Variants in PASD1 observed in about 807,000 individuals in gnomAD.
PASD1 encodes PAS domain containing repressor 1.
A neutral mutation model predicts 58.8 loss-of-function variants in PASD1; 13 were observed. The ratio of observed to expected loss-of-function variants is 0.22; its 90% CI spans 0.14 to 0.35. The LOEUF (loss-of-function observed/expected upper bound fraction) is 0.35. Ranked by LOEUF, PASD1 falls within the 10% of genes least tolerant of loss-of-function variation. The probability of loss-of-function intolerance (pLI) is 1.00; values close to 1 mark genes in which losing one functional copy is unlikely to be tolerated. For missense variants in PASD1, 734 were observed against 568.3 expected (o/e 1.29, Z -2.96); for synonymous variants, 236 against 216.7 (o/e 1.09, Z -0.78).
intron 13 of PASD1, 52 bp downstream of exon 13, chrX:151,671,831 G>C: frequency 8.9e-7 from 1 of 1,123,777 alleles, no homozygotes; most frequent in Non-Finnish European, 1.2e-6. Flanking sequence ...TTGTTTTCTT[G>C]AGGACTTTGA....
At chrX:151,653,426 A>G (rs1164914491) in intron 9 of PASD1, among the ~76,000 whole-genome samples, 1 of 109,873 alleles carries the variant, frequency 9.1e-6, no homozygotes, top group Non-Finnish European at 1.9e-5. Flanking sequence ...TTCTGACCTC[A>G]GGTGATCCAC....
rs1301533459 is a variant in PASD1, at chrX:151,664,778, G to T, written c.1071+430G>T. 2.7e-5 allele frequency among the ~76,000 whole-genome samples: 3 copies of T among 111,940 alleles called. No individual in the cohort carries two copies. In the East Asian group the frequency reaches 8.5e-4, roughly 32 times the overall value. ...ACCCTCTCCCTGCACCACAAGCTAGGTTTTCCCAGTGGAATTTTTATTAGG... is the reference window on the plus strand; with the variant it reads ...ACCCTCTCCCTGCACCACAAGCTAGTTTTTCCCAGTGGAATTTTTATTAGG... On this transcript the variant is annotated intron_variant, in intron 11 of 15. Transcript: ENST00000370357.
intron 3 of PASD1, 43 bp from the exon 4 acceptor site, chrX:151,611,621 A>G (rs1361712113): frequency 1.1e-6 from 1 of 939,629 alleles, no homozygotes; most frequent in African/African-American, 2.0e-5. Flanking sequence ...TCATTTTATT[A>G]TTGTTCCACT....
intron 4 of PASD1, 126 bp from the exon 5 acceptor site, chrX:151,620,804 C>A (rs752624150): frequency 3.3e-4 from 132 of 400,831 alleles, no homozygotes; most frequent in Non-Finnish European, 4.7e-4. Flanking sequence ...TGAGGTGGGG[C>A]AGAGCATAAG....
chrX:151,636,414 T>A (rs73621212), intron 8 of PASD1, among the ~76,000 whole-genome samples: 6,730 of 111,929 alleles, frequency 0.06, 366 homozygotes, highest in African/African-American at 0.17. Context: ...TTCTTTTTTT[T>A]AATTTGTTGA....
chrX:151,668,900 A>T (rs1242974538), intron 11 of PASD1, among the ~76,000 whole-genome samples: 1 of 88,686 alleles, frequency 1.1e-5, no homozygotes, highest in Non-Finnish European at 2.2e-5. Flanking sequence ...GCAGAGACAC[A>T]ACAAAAAAAA....
intron 11 of PASD1, among the ~76,000 whole-genome samples, chrX:151,667,557 A>C (rs1303549811): frequency 8.9e-6 from 1 of 112,222 alleles, no homozygotes; most frequent in African/African-American, 3.2e-5. Context: ...TAATTTTTGT[A>C]TAAGGTGTAA....
Position 151,622,943 on chromosome X carries a change from C to A in PASD1, c.425C>A (p.Pro142His). The A allele has an allele frequency of 8.3e-7, 1 of 1,207,857 alleles. No individual in the cohort carries two copies. The highest frequency in any genetic ancestry group is 1.1e-6 in the Non-Finnish European group (1 of 893,189). The change falls in exon 7 of 16, where the codon CCT (proline) becomes CAT (histidine). Residue 142 changes from proline (P) to histidine (H), a missense_variant. By Grantham distance (77) the Pro-to-His change is moderately conservative. Transcript: ENST00000370357. ...GTGTGTCTATCTTCCTTAGAGTTTC[C>A]TGTGGTCTTTAGTGGCTTGTTTTCC... Reference protein sequence around the residue: ...VNVRDICNEFPVVFSGLFSSH... With the variant: ...VNVRDICNEFHVVFSGLFSSH...
chrX:151,645,406 T>A (rs1261997220), intron 8 of PASD1, among the ~76,000 whole-genome samples: 3 of 112,283 alleles, frequency 2.7e-5, no homozygotes, highest in African/African-American at 9.7e-5. Flanking sequence ...ATTTACAGTT[T>A]CATTTATACA....
intron 6 of PASD1, among the ~76,000 whole-genome samples, chrX:151,622,639 T>C (rs2013730119): frequency 9.3e-6 from 1 of 107,702 alleles, no homozygotes; most frequent in South Asian, 4.1e-4. Context: ...TCTACCCATA[T>C]GGTCTATATA....
intron 1 of PASD1, among the ~76,000 whole-genome samples, chrX:151,599,742 G>C (rs781258683): frequency 1.3e-4 from 14 of 108,845 alleles, no homozygotes; most frequent in Non-Finnish European, 2.5e-4. Context: ...CCTCCTAGAT[G>C]GGATGACGGC....
chrX:151,653,882 C>CTTTCTTTCTT, intron 9 of PASD1, among the ~76,000 whole-genome samples: 1 of 31,717 alleles, frequency 3.2e-5, no homozygotes, highest in Non-Finnish European at 5.8e-5. Context: ...TTCTTTCTTT[C>CTTTCTTTCTT]TTTCTTTCTT....
At chrX:151,669,984 T>C (rs940186859) in intron 11 of PASD1, among the ~76,000 whole-genome samples, 1 of 112,383 alleles carries the variant, frequency 8.9e-6, no homozygotes, top group East Asian at 2.8e-4. Flanking sequence ...TTTTCCATAG[T>C]GGCTGTACTA....
chrX:151,575,230 G>T (rs1432653398), intron 1 of PASD1, among the ~76,000 whole-genome samples: 2 of 108,274 alleles, frequency 1.8e-5, no homozygotes, highest in East Asian at 5.8e-4. Context: ...GGCGGGGGTG[G>T]GGGGAGGTGA....
At chrX:151,601,493 C>T (rs1358177599) in intron 1 of PASD1, 34 bp from the exon 2 acceptor site, 1 of 1,089,117 alleles carries the variant, frequency 9.2e-7, no homozygotes, top group Non-Finnish European at 1.3e-6. Context: ...ATAGACTGAT[C>T]TCTTAGTAAA....
chrX:151,571,770 A>T lies in PASD1; in HGVS notation c.-28+7931A>T, dbSNP rs183283516. On this transcript the variant is annotated intron_variant, in intron 1 of 15. Transcript: ENST00000370357. ...TAAGAAAAAACACTCTCCCCTTTTG[A>T]CCTTCAGCTACTTTAGCCTCCACTG... Among the ~76,000 whole-genome samples the T allele has an allele frequency of 7.2e-3, 801 of 111,799 alleles. 5 individuals are homozygous for T. Among genetic ancestry groups the T allele is most frequent in the Non-Finnish European group, 0.012 (638 of 53,128 alleles).
intron 3 of PASD1, among the ~76,000 whole-genome samples, chrX:151,605,418 C>T (rs182407272): frequency 1.8e-5 from 2 of 111,197 alleles, no homozygotes; most frequent in Admixed American, 1.9e-4. Context: ...CCCTTTTCTC[C>T]TTCAGTACTG....
chrX:151,641,021 T>C (rs1024468184), intron 8 of PASD1: 1 of 111,986 alleles, frequency 8.9e-6, no homozygotes, highest in Non-Finnish European at 1.9e-5. Context: ...AGGGCAACTC[T>C]TACCACAGAT....
chrX:151,614,602 A>G lies in PASD1; in HGVS notation c.207+2849A>G, dbSNP rs192249477. Among the ~76,000 whole-genome samples, 3 of 112,260 alleles carry G rather than the reference A, an allele frequency of 2.7e-5. No individual in the cohort carries two copies. The East Asian group carries it at 8.5e-4, about 32-fold the overall frequency. On this transcript the variant is annotated intron_variant, in intron 4 of 15. Transcript: ENST00000370357. ...CTAATGGTAGTAGTGTAAAACAATC[A>G]TATCTCCGTTGTTGTTTTCATTACA...
Sources: gnomAD v4.1 joint callset for allele counts (sites outside exome capture counted in the v4.1 genomes callset) on GRCh38, gnomAD v4.1.1 for gene constraint, MANE v1.5 for transcripts, NCBI Gene and HGNC (gene_info 2026-07-23, HGNC 2026-07-21) for gene names.